Variants in KRT71 observed in about 807,000 individuals in gnomAD.
KRT71 encodes keratin, type II cytoskeletal 71.
Under a neutral mutation model 46.2 loss-of-function variants are expected in KRT71, and 42 were observed. The ratio of observed to expected loss-of-function variants is 0.91; its 90% CI spans 0.71 to 1.18. The LOEUF is 1.18. KRT71 is among the 50% of genes most tolerant of loss of function. The pLI is 0.00. For synonymous variants in KRT71, 292 were observed against 277.8 expected (o/e 1.05, Z -0.51); for missense variants, 708 against 677.9 (o/e 1.04, Z -0.49).
In KRT71 at chr12:52,548,168, G is replaced by C. The variant is rs772010266; in HGVS notation, c.962C>G (p.Ala321Gly). 2.5e-5 allele frequency: 41 copies of C among 1,613,628 alleles called. No homozygotes were observed. The highest frequency in any genetic ancestry group is 3.4e-5 in the Non-Finnish European group (40 of 1,179,668). The change falls in exon 5 of 9, where the codon GCC becomes GGC. Residue 321 changes from alanine to glycine, a missense_variant. Coordinates refer to ENST00000267119, the MANE Select transcript of KRT71 (RefSeq NM_033448.3). ...CCAGCTCACCTTGGTCTGGTACAGGGCCTCAGCCTCGGCCTTACTCTTCAA... is the reference window on the plus strand; with the variant it reads ...CCAGCTCACCTTGGTCTGGTACAGGCCCTCAGCCTCGGCCTTACTCTTCAA... ...IALKSKAEAE[A>G]LYQTKFQELQ...
chr12:52,550,006 A>T (rs369572236), intron 2 of KRT71, 23 bp downstream of exon 2: 2 of 1,613,320 alleles, frequency 1.2e-6, no homozygotes, highest in African/African-American at 2.7e-5. Context: ...TTGTCCAGTT[A>T]CAGGGGGACT....
intron 4 of KRT71, 31 bp downstream of exon 4, chr12:52,548,670 C>T (rs1565601837): frequency 6.3e-7 from 1 of 1,595,058 alleles, no homozygotes; most frequent in African/African-American, 1.3e-5. Context: ...CCAGCCTCCC[C>T]TAGATGAACC....
Position 52,550,060 on chromosome 12 carries a change from C to T in KRT71, c.625G>A (p.Val209Met), listed in dbSNP as rs1939138733. 6.2e-7 allele frequency: 1 copy of T among 1,614,050 alleles called. No homozygotes were observed. The highest frequency in any genetic ancestry group is 1.7e-5 in the Admixed American group (1 of 60,006). Residue 209 changes from valine to methionine, a missense_variant, in exon 2 of 9, where the codon GTG becomes ATG. Val to Met is a conservative substitution (Grantham distance 21). Coordinates refer to ENST00000267119, the MANE Select transcript of KRT71 (RefSeq NM_033448.3). Reference protein sequence around the residue: ...RVRLDSELRNVRDVVEDYKKR... With the variant: ...RVRLDSELRNMRDVVEDYKKR... ...TTGTAGTCCTCCACTACGTCCCGCA[C>T]ATTCCTCAGCTCCGAGTCCAGCCTC...
chr12:52,544,727 G>T lies in KRT71; in HGVS notation c.1377C>A (p.Thr459=), dbSNP rs749629300. Residue 459 remains threonine (T), a synonymous_variant, in exon 9 of 9, where the codon ACC becomes ACA. Coordinates refer to ENST00000267119, the MANE Select transcript of KRT71 (RefSeq NM_033448.3). ...GGAAGCCATAGACACTGCCGCCACTGGTGCTGCTGATGATGGCTGCAGGAG... is the reference window on the plus strand; with the variant it reads ...GGAAGCCATAGACACTGCCGCCACTTGTGCTGCTGATGATGGCTGCAGGAG... The part of the protein sequence containing the change: ...SPVSISIISS[T]SGGSVYGFRP... The T allele has an allele frequency of 1.2e-6, 2 of 1,612,108 alleles. No individual in the cohort carries two copies. Among genetic ancestry groups the T allele is most frequent in the South Asian group, 1.1e-5 (1 of 91,020 alleles).
rs1221589232 is a variant in KRT71 at position 52,544,688 on chromosome 12, G to A, written c.1416C>T (p.Val472=). ...TGCTGTTGGCCACATAGCCACCGCTGACCATGCTGGGCCGGAAGCCATAGA... is the reference window on the plus strand; with the variant it reads ...TGCTGTTGGCCACATAGCCACCGCTAACCATGCTGGGCCGGAAGCCATAGA... ...GSVYGFRPSM[V]SGGYVANSSN... The change falls in exon 9 of 9, where the codon GTC becomes GTT. Residue 472 remains valine (V), a synonymous_variant. Coordinates refer to ENST00000267119, the MANE Select transcript of KRT71 (RefSeq NM_033448.3). 3 of 1,613,640 alleles carry A rather than the reference G, an allele frequency of 1.9e-6. No homozygotes were observed. The highest frequency in any genetic ancestry group is 2.5e-6 in the Non-Finnish European group (3 of 1,179,956).
chr12:52,552,729 C>A lies in KRT71; in HGVS notation c.349G>T (p.Val117Leu), dbSNP rs150480717. ...VNESLLAPLN[V>L]ELDPEIQKVR... ...TTCTGGATCTCGGGGTCCAGCTCCA[C>A]GTTGAGGGGGGCCAGGAGGCTCTCA... Residue 117 changes from valine (V) to leucine (L), a missense_variant, in exon 1 of 9, where the codon GTG (valine) becomes TTG (leucine). Physicochemically the swap from Val to Leu is conservative, Grantham distance 32. Coordinates refer to ENST00000267119, the MANE Select transcript of KRT71 (RefSeq NM_033448.3). The A allele has an allele frequency of 1.2e-6, 2 of 1,613,976 alleles. No homozygotes were observed. Among genetic ancestry groups the A allele is most frequent in the East Asian group, 2.2e-5 (1 of 44,884 alleles).
intron 5 of KRT71, 26 bp downstream of exon 5, chr12:52,548,126 C>A: frequency 6.2e-7 from 1 of 1,609,690 alleles, no homozygotes; most frequent in Non-Finnish European, 8.5e-7. Context: ...CATCACCCTC[C>A]CTGGCCCCAC....
chr12:52,550,142 G>A lies in KRT71; in HGVS notation c.543C>T (p.Leu181=), dbSNP rs745438257. 1.8e-5 allele frequency: 29 copies of A among 1,613,980 alleles called. No individual in the cohort carries two copies. The highest frequency in any genetic ancestry group is 1.0e-4 in the Admixed American group (6 of 59,998). The change falls in exon 2 of 9, where the codon CTC becomes CTT. Residue 181 remains leucine, a synonymous_variant. Coordinates refer to ENST00000267119, the MANE Select transcript of KRT71 (RefSeq NM_033448.3). ...NNCKNNLEPI[L]EGYISNLRKQ... is the part of the protein sequence containing the mutation. ...TCCGCAGGTTGCTGATGTAGCCCTCGAGGATGGGCTCCAGGTTGTTCTTGC... is the reference window on the plus strand; with the variant it reads ...TCCGCAGGTTGCTGATGTAGCCCTCAAGGATGGGCTCCAGGTTGTTCTTGC...
intron 7 of KRT71, 89 bp from the exon 8 acceptor site, chr12:52,545,688 GT>G: frequency 2.7e-5 from 22 of 817,224 alleles, no homozygotes; most frequent in South Asian, 7.1e-5. Flanking sequence ...CCTTATGTGG[GT>G]TTTTGGACCC....
chr12:52,543,966 A>G lies in KRT71; in HGVS notation c.*566T>C, dbSNP rs1464108744. 6.4e-6 allele frequency: 1 copy of G among 157,472 alleles called. No homozygotes were observed. Among genetic ancestry groups the G allele is most frequent in the Non-Finnish European group, 1.4e-5 (1 of 70,882 alleles). The allele number at this position is 157,472 out of a possible 1,614,324, so 9.8% of individuals were successfully genotyped here. On this transcript the variant is annotated 3_prime_UTR_variant, in exon 9 of 9. Transcript: ENST00000267119. ...AGGAAGGCCATTAAGAATAAAGGAA[A>G]AGTGAACAGTGCCTGCTTTTCTCTG... is the stretch of plus-strand genomic sequence containing the variant.
Position 52,544,624 on chromosome 12 carries a change from C to G in KRT71, c.1480G>C (p.Glu494Gln). ...TTGGCACTGCCCCGGCTCCTGCCCT[C>G]CCCGCCTCTCACGCTGCACACTCCA... ...ISGVCSVRGG[E>Q]GRSRGSANDY... The change falls in exon 9 of 9, where the codon GAG (glutamate) becomes CAG (glutamine). Residue 494 changes from glutamate (E) to glutamine (Q), a missense_variant. By Grantham distance (29) the Glu-to-Gln change is conservative. Coordinates refer to ENST00000267119, the MANE Select transcript of KRT71 (RefSeq NM_033448.3). 1 of 1,614,122 alleles carries G rather than the reference C, an allele frequency of 6.2e-7. No individual in the cohort carries two copies. The highest frequency in any genetic ancestry group is 8.5e-7 in the Non-Finnish European group (1 of 1,180,024).
intron 3 of KRT71, among the ~76,000 whole-genome samples, 181 bp from the exon 4 acceptor site, chr12:52,548,977 T>C (rs1453550930): frequency 3.3e-5 from 5 of 149,286 alleles, no homozygotes; most frequent in Non-Finnish European, 6.0e-5. Context: ...ATCTGTTCCC[T>C]CGGCAGGAAT....
intron 6 of KRT71, 140 bp downstream of exon 6, chr12:52,547,717 G>A: frequency 9.8e-7 from 1 of 1,022,018 alleles, no homozygotes; most frequent in Admixed American, 2.2e-5. Flanking sequence ...TCCTGCTCCA[G>A]GTGTTTGAGG....
Position 52,549,275 on chromosome 12 carries a change from G to T in KRT71, c.717+18C>A. The T allele has an allele frequency of 1.2e-6, 2 of 1,609,222 alleles. No homozygotes were observed. The highest frequency in any genetic ancestry group is 1.7e-6 in the Non-Finnish European group (2 of 1,175,844). On this transcript the variant is annotated intron_variant, in intron 3 of 8. Coordinates refer to ENST00000267119, the MANE Select transcript of KRT71 (RefSeq NM_033448.3). ...TCCCAGGCCAGCCCCCGGGACTCAG[G>T]GCCTGCCTTCCCCTCACCTTCTTGA...
chr12:52,549,133 A>C (rs1306167884), intron 3 of KRT71, among the ~76,000 whole-genome samples, 160 bp downstream of exon 3: 4 of 152,054 alleles, frequency 2.6e-5, no homozygotes, highest in Non-Finnish European at 4.4e-5. Flanking sequence ...CTGCCTTTTC[A>C]TTCTTTTTTC....
chr12:52,548,807 C>T lies in KRT71; in HGVS notation c.718-11G>A, dbSNP rs750345806. 9.9e-6 allele frequency: 16 copies of T among 1,611,520 alleles called. No homozygotes were observed. The South Asian group carries it at 1.5e-4, about 15-fold the overall frequency. On this transcript the variant is annotated splice_polypyrimidine_tract_variant and intron_variant, in intron 3 of 8. Coordinates refer to ENST00000267119, the MANE Select transcript of KRT71 (RefSeq NM_033448.3). ...AGCAGCATCCACATCCTGAAAGATG[C>T]CCCCACCATCCCCTGTCACTGCTGG... is the stretch of plus-strand genomic sequence containing the variant.
intron 1 of KRT71, among the ~76,000 whole-genome samples, chr12:52,551,480 A>G (rs1247310358): frequency 6.6e-6 from 1 of 152,262 alleles, no homozygotes; most frequent in Non-Finnish European, 1.5e-5. Flanking sequence ...GAAAAGGCTT[A>G]GAAGAATAAG....
At chr12:52,551,813 C>T (rs1435046668) in intron 1 of KRT71, among the ~76,000 whole-genome samples, 7 of 152,198 alleles carry the variant, frequency 4.6e-5, no homozygotes, top group Non-Finnish European at 1.0e-4. Flanking sequence ...TTCTTCTCTG[C>T]CAGAAGTCAG....
chr12:52,547,737 C>T, intron 6 of KRT71, 120 bp downstream of exon 6: 2 of 1,278,130 alleles, frequency 1.6e-6, no homozygotes, highest in Non-Finnish European at 2.2e-6. Context: ...GCAGCGACCT[C>T]ACTGGCCTTC....
Sources: allele counts gnomAD v4.1 joint callset (sites outside exome capture counted in the v4.1 genomes callset), GRCh38; gene constraint gnomAD v4.1.1; transcripts MANE v1.5; gene names NCBI Gene and HGNC (gene_info 2026-07-23, HGNC 2026-07-21).